LETM1: variants seen among roughly 807,000 people sequenced by gnomAD.
The protein encoded by LETM1 is mitochondrial proton/calcium exchanger protein.
In LETM1, 50 loss-of-function variants were observed where a neutral mutation model predicts 74.5. That is an observed-to-expected ratio of 0.67 (90% CI 0.53 to 0.85). The LOEUF (loss-of-function observed/expected upper bound fraction) is 0.85, where lower values mean the gene tolerates loss of function less well. LETM1 is among the 40% of genes least tolerant of loss of function. LETM1 has a pLI of 0.00. For synonymous variants in LETM1, 446 were observed against 407.1 expected, an observed-to-expected ratio of 1.10 and a Z score of -1.15; for missense variants, 824 against 967.8, an observed-to-expected ratio of 0.85 and a Z score of 1.97.
In LETM1 at chr4:1,834,987, A is replaced by C; in HGVS notation, c.739-5T>G. ...CTCCTTCTTCAGCCTCTCCTCCTGC[A>C]AGGGCAGAGAGGGCACTGCATTCCA... On this transcript the variant is annotated splice_polypyrimidine_tract_variant and splice_region_variant and intron_variant, in intron 4 of 13. Coordinates refer to ENST00000302787, the MANE Select transcript of LETM1 (RefSeq NM_012318.3). This position sits in a 1 kb window ranked among gnomAD's most constrained non-coding sequence, Gnocchi z 5.0. 6.2e-7 allele frequency: 1 copy of C among 1,613,674 alleles called. No individual in the cohort carries two copies. The highest frequency in any genetic ancestry group is 1.3e-5 in the African/African-American group (1 of 75,058).
chr4:1,835,978 G>C lies in LETM1; in HGVS notation c.738+451C>G, dbSNP rs73081734. 8.7e-3 allele frequency among the ~76,000 whole-genome samples: 1,329 copies of C among 152,238 alleles called. 14 individuals carry two copies. Among genetic ancestry groups the C allele is most frequent in the African/African-American group, 0.031 (1,269 of 41,554 alleles). On this transcript the variant is annotated intron_variant, in intron 4 of 13. Coordinates refer to ENST00000302787, the MANE Select transcript of LETM1 (RefSeq NM_012318.3). ...GTAGTCCCAGCTATTCGGGAGCTAA[G>C]ACAAGAGGATCACTTAAGTCCAGGA...
rs370664554 is a variant in LETM1 at position 1,841,675 on chromosome 4, G to C, written c.266C>G (p.Thr89Ser). 5 of 1,614,100 alleles carry C rather than the reference G, an allele frequency of 3.1e-6. No homozygotes were observed. The South Asian group carries it at 3.3e-5, about 11-fold the overall frequency. The change falls in exon 3 of 14, where the codon ACC becomes AGC. Residue 89 changes from threonine to serine, a missense_variant. Transcript: ENST00000302787. ...CLRIVSRAPW[T>S]STSVGFVAVG... The stretch of plus-strand genomic sequence containing the variant: ...AGCCACAAAACCCACAGAGGTAGAG[G>C]TCCATGGCGCTCTCGACACTATGCG...
intron 2 of LETM1, among the ~76,000 whole-genome samples, chr4:1,843,994 T>C (rs1032534113): frequency 5.9e-5 from 9 of 152,178 alleles, no homozygotes; most frequent in African/African-American, 2.2e-4. Context: ...CCTCCCTGCA[T>C]CAAGCTGAAT....
intron 7 of LETM1, among the ~76,000 whole-genome samples, chr4:1,824,874 G>C (rs1296466516): frequency 6.6e-6 from 1 of 152,274 alleles, no homozygotes; most frequent in Non-Finnish European, 1.5e-5. Context: ...GGCAGGGGGT[G>C]CCACAGGATC....
chr4:1,853,454 C>G (rs1048416433), intron 1 of LETM1, among the ~76,000 whole-genome samples: 2 of 152,226 alleles, frequency 1.3e-5, no homozygotes, highest in African/African-American at 2.4e-5. Flanking sequence ...AAGGATGCTT[C>G]ACCTCTGTGG....
chr4:1,816,771 G>A lies in LETM1; in HGVS notation c.1887C>T (p.Asp629=), dbSNP rs779574558. ...IDGLISQLEM[D]QQAGKLAPAN... ...CCGGGGCCAGCTTGCCAGCCTGCTG[G>A]TCCATCTCCAGCTGCGAGATCAAGC... Residue 629 remains aspartate, a synonymous_variant, in exon 12 of 14, where the codon GAC becomes GAT. Transcript: ENST00000302787. 2 of 1,614,216 alleles carry A rather than the reference G, an allele frequency of 1.2e-6. No homozygotes were observed. The highest frequency in any genetic ancestry group is 3.3e-5 in the Admixed American group (2 of 60,030).
At position 1,823,026 on chromosome 4, in the gene LETM1, G is replaced by A. The variant is rs1179069031; in HGVS notation, c.1438C>T (p.His480Tyr). The A allele has an allele frequency of 6.2e-7, 1 of 1,607,916 alleles. No individual in the cohort carries two copies. The highest frequency in any genetic ancestry group is 1.7e-5 in the Admixed American group (1 of 59,740). The change falls in exon 9 of 14, where the codon CAC becomes TAC. Residue 480 changes from histidine (H) to tyrosine (Y), a missense_variant. Physicochemically the swap from His to Tyr is moderately conservative, Grantham distance 83. This residue lies in a region of LETM1 where 172 missense variants were observed against 170.7 expected (regional missense o/e 1.01). Transcript: ENST00000302787. ...LQEEAAIQQEHREKELQKRSE... is the reference protein window; with the variant it reads ...LQEEAAIQQEYREKELQKRSE... ...CGCTTCTGCAGCTCCTTCTCACGGT[G>A]CTCCTGCTGGATGGCCGCCTCCTCC...
rs1380629664 is a variant in LETM1, at chr4:1,828,756, G to A, written c.1081-3073C>T. On this transcript the variant is annotated intron_variant, in intron 6 of 13. Coordinates refer to ENST00000302787, the MANE Select transcript of LETM1 (RefSeq NM_012318.3). ...GGGCTCCCCACTTCCCAGCAGGGGCGGCCGGGCAGAGGCGCCCCCCACCCC... is the reference window on the plus strand; with the variant it reads ...GGGCTCCCCACTTCCCAGCAGGGGCAGCCGGGCAGAGGCGCCCCCCACCCC... 1.7e-4 allele frequency among the ~76,000 whole-genome samples: 24 copies of A among 142,620 alleles called. No individual in the cohort carries two copies. In the East Asian group the frequency reaches 2.4e-3, roughly 15 times the overall value. The allele number at this position is 142,620 out of a possible 152,430, so 93.6% of individuals were successfully genotyped here. A position where few individuals can be genotyped will look rare whatever the true frequency, so the allele number is the denominator to read the frequency against.
chr4:1,853,070 A>T (rs1713118592), intron 1 of LETM1, among the ~76,000 whole-genome samples: 1 of 152,086 alleles, frequency 6.6e-6, no homozygotes, highest in Admixed American at 6.6e-5. Context: ...TCTGATGGGC[A>T]CGGCACAGTC....
intron 1 of LETM1, among the ~76,000 whole-genome samples, chr4:1,853,852 G>A (rs183630727): frequency 6.6e-6 from 1 of 152,244 alleles, no homozygotes; most frequent in East Asian, 1.9e-4. Flanking sequence ...CCTGGGTCTC[G>A]CTGGCTCTGA....
Position 1,816,735 on chromosome 4 carries a change from C to A in LETM1, c.1923G>T (p.Met641Ile). 6.2e-7 allele frequency: 1 copy of A among 1,614,052 alleles called. No homozygotes were observed. Among genetic ancestry groups the A allele is most frequent in the Middle Eastern group, 1.6e-4 (1 of 6,062 alleles). The change falls in exon 12 of 14, where the codon ATG becomes ATT. Residue 641 changes from methionine to isoleucine, a missense_variant. By Grantham distance (10) the Met-to-Ile change is conservative (BLOSUM62 1). Coordinates refer to ENST00000302787, the MANE Select transcript of LETM1 (RefSeq NM_012318.3). The part of the protein sequence containing the change: ...QAGKLAPANG[M>I]PTGENVISVA... ...CCCACCACCCCACTCACCCCGTGGGCATGCCGTTGGCCGGGGCCAGCTTGC... is the reference window on the plus strand; with the variant it reads ...CCCACCACCCCACTCACCCCGTGGGAATGCCGTTGGCCGGGGCCAGCTTGC...
At chr4:1,849,616 G>A (rs548421377) in intron 1 of LETM1, among the ~76,000 whole-genome samples, 1 of 152,282 alleles carries the variant, frequency 6.6e-6, no homozygotes, top group Non-Finnish European at 1.5e-5. Flanking sequence ...GAATGCAGTG[G>A]TACAGTCACG....
intron 1 of LETM1, among the ~76,000 whole-genome samples, chr4:1,854,417 T>C (rs1330856904): frequency 2.7e-5 from 4 of 150,612 alleles, no homozygotes; most frequent in Non-Finnish European, 5.9e-5. Context: ...AAGGCAGAGG[T>C]TGCAGTGAGC....
intron 2 of LETM1, among the ~76,000 whole-genome samples, chr4:1,842,365 T>C (rs1025841874): frequency 2.0e-5 from 3 of 152,026 alleles, no homozygotes; most frequent in African/African-American, 2.4e-5. Context: ...CCAAGGCCCA[T>C]CTCCTCCTCC....
chr4:1,819,579 G>C (rs1394077781), intron 10 of LETM1, 107 bp from the exon 11 acceptor site: 44 of 1,261,154 alleles, frequency 3.5e-5, no homozygotes, highest in Non-Finnish European at 4.0e-5. Context: ...CCCAGGGCAA[G>C]AGTCTCACTG....
Position 1,831,023 on chromosome 4 carries a change from T to C in LETM1, c.1080+1721A>G, listed in dbSNP as rs564585513. On this transcript the variant is annotated intron_variant, in intron 6 of 13. Transcript: ENST00000302787. Reference sequence around the variant, plus strand: ...CCACTTCCCTATGGTCCAGCTTTCATGGGCCAACCACAAACCCTAACGTCT... The same window carrying C: ...CCACTTCCCTATGGTCCAGCTTTCACGGGCCAACCACAAACCCTAACGTCT... Among the ~76,000 whole-genome samples, 18 of 152,310 alleles carry C rather than the reference T, an allele frequency of 1.2e-4. No individual in the cohort carries two copies. In the South Asian group the frequency reaches 2.3e-3, roughly 19 times the overall value.
chr4:1,842,039 G>A lies in LETM1; in HGVS notation c.144-242C>T, dbSNP rs116893847. Among the ~76,000 whole-genome samples, 141 of 152,252 alleles carry A rather than the reference G, an allele frequency of 9.3e-4. No individual in the cohort carries two copies. The East Asian group carries it at 0.023, about 25-fold the overall frequency. ...ACGTCGGACAGGAGCATGGGCGGGCGATCCCCACAGAAAGGCAGGCAAGTC... is the reference window on the plus strand; with the variant it reads ...ACGTCGGACAGGAGCATGGGCGGGCAATCCCCACAGAAAGGCAGGCAAGTC... On this transcript the variant is annotated intron_variant, in intron 2 of 13. Coordinates refer to ENST00000302787, the MANE Select transcript of LETM1 (RefSeq NM_012318.3).
chr4:1,834,612 C>T lies in LETM1; in HGVS notation c.876+233G>A, dbSNP rs1712398799. The stretch of plus-strand genomic sequence containing the variant: ...CAGCTGCAGGGTGATGAGACACAGA[C>T]GCCCATAATTCTGAAGGCTGACGAG... On this transcript the variant is annotated intron_variant, in intron 5 of 13. Coordinates refer to ENST00000302787, the MANE Select transcript of LETM1 (RefSeq NM_012318.3). This position sits in a 1 kb window ranked among gnomAD's most constrained non-coding sequence, Gnocchi z 5.0. 14 of 1,354,858 alleles carry T rather than the reference C, an allele frequency of 1.0e-5. No homozygotes were observed. The highest frequency in any genetic ancestry group is 3.2e-5 in the Admixed American group (1 of 30,826). 83.9% of individuals were successfully genotyped at this position (1,354,858 alleles called of 1,614,324 possible). A position where few individuals can be genotyped will look rare whatever the true frequency, so the allele number is the denominator to read the frequency against.
intron 1 of LETM1, among the ~76,000 whole-genome samples, chr4:1,851,743 C>A (rs1207463680): frequency 6.6e-6 from 1 of 152,240 alleles, no homozygotes; most frequent in African/African-American, 2.4e-5. Context: ...GCACCTTCAG[C>A]CCCTCCACCC....
Sources: gnomAD v4.1 joint callset for allele counts (sites outside exome capture counted in the v4.1 genomes callset) on GRCh38, gnomAD v4.1.1 for gene constraint, gnomAD v4.1.1 regional missense constraint, Gnocchi (gnomAD v3.1) non-coding constraint, MANE v1.5 for transcripts, NCBI Gene and HGNC (gene_info 2026-07-23, HGNC 2026-07-21) for gene names.